CAMTA1: variants seen among roughly 807,000 people sequenced by gnomAD.
CAMTA1 encodes the protein calmodulin-binding transcription activator 1.
In CAMTA1, 27 loss-of-function variants were observed where a neutral mutation model predicts 170.9. That is an observed-to-expected ratio of 0.16 (90% confidence interval 0.12 to 0.22). CAMTA1 has a LOEUF of 0.22. CAMTA1 is among the 10% of genes least tolerant of loss of function. CAMTA1 has a pLI of 1.00. For synonymous variants in CAMTA1, 833 were observed against 891.5 expected, an observed-to-expected ratio of 0.93 and a Z score of 1.17; for missense variants, 1,619 against 2,217.2, an observed-to-expected ratio of 0.73 and a Z score of 5.42.
chr1:6,832,381 T>TA (rs1473224157), intron 3 of CAMTA1, among the ~76,000 whole-genome samples: 1 of 152,214 alleles, frequency 6.6e-6, no homozygotes, highest in Non-Finnish European at 1.5e-5. Context: ...CTGGTTACCT[T>TA]ACCTTTTAAA....
chr1:7,353,962 G>A (rs530102589), intron 5 of CAMTA1, among the ~76,000 whole-genome samples: 5 of 152,032 alleles, frequency 3.3e-5, no homozygotes, highest in East Asian at 1.9e-4. Flanking sequence ...CTTTGTGACC[G>A]TGTGTACTCA....
intron 6 of CAMTA1, among the ~76,000 whole-genome samples, chr1:7,477,235 A>G (rs2093435124): frequency 6.6e-6 from 1 of 152,164 alleles, no homozygotes. Context: ...CTGGACTAGT[A>G]AACGGCAAAG....
intron 1 of CAMTA1, among the ~76,000 whole-genome samples, chr1:6,797,546 T>C (rs1642831010): frequency 4.6e-5 from 7 of 151,584 alleles, no homozygotes; most frequent in Admixed American, 4.6e-4. Flanking sequence ...CCACCACGCC[T>C]AGCTAATTTT....
At chr1:6,802,141 G>A (rs1643924049) in intron 1 of CAMTA1, among the ~76,000 whole-genome samples, 1 of 152,190 alleles carries the variant, frequency 6.6e-6, no homozygotes, top group Non-Finnish European at 1.5e-5. Context: ...AAGTGCAGCT[G>A]GGCAGTGGGA....
At chr1:7,492,747 G>GCGCA (rs1557805032) in intron 6 of CAMTA1, among the ~76,000 whole-genome samples, 2 of 97,456 alleles carry the variant, frequency 2.1e-5, no homozygotes, top group East Asian at 2.9e-4. Context: ...ACACACGCGC[G>GCGCA]CACACACACA....
chr1:6,805,465 C>T (rs891598365), intron 1 of CAMTA1, among the ~76,000 whole-genome samples: 2 of 152,186 alleles, frequency 1.3e-5, no homozygotes, highest in African/African-American at 4.8e-5. Context: ...GTATGATTGA[C>T]ATGTGATATG....
At chr1:7,414,186 A>G (rs1350077274) in intron 5 of CAMTA1, among the ~76,000 whole-genome samples, 1 of 152,012 alleles carries the variant, frequency 6.6e-6, no homozygotes, top group African/African-American at 2.4e-5. Flanking sequence ...TTTTTGCATC[A>G]ATGTTCATCA....
At chr1:7,758,937 A>G (rs1301028552) in intron 22 of CAMTA1, among the ~76,000 whole-genome samples, 1 of 135,804 alleles carries the variant, frequency 7.4e-6, no homozygotes, top group Non-Finnish European at 1.6e-5. Context: ...TCTGTCTCAA[A>G]AAAAAAAAAA....
intron 4 of CAMTA1, among the ~76,000 whole-genome samples, chr1:7,204,503 T>C (rs1657311782): frequency 6.6e-6 from 1 of 152,194 alleles, no homozygotes; most frequent in African/African-American, 2.4e-5. Flanking sequence ...TCTAATTTCA[T>C]TGTCATTAGA....
chr1:7,508,737 G>A (rs1400466479), intron 6 of CAMTA1, among the ~76,000 whole-genome samples: 1 of 151,974 alleles, frequency 6.6e-6, no homozygotes, highest in Non-Finnish European at 1.5e-5. Flanking sequence ...AGGGAGGGAA[G>A]GGAGGGAGGG....
chr1:7,719,204 C>T (rs922316022), intron 11 of CAMTA1, among the ~76,000 whole-genome samples: 3 of 152,108 alleles, frequency 2.0e-5, no homozygotes, highest in Admixed American at 2.0e-4. Flanking sequence ...TTGGCTCCTG[C>T]GTGGTGGAGG....
Position 7,041,317 on chromosome 1 carries a change from G to A in CAMTA1, c.235-49987G>A, listed in dbSNP as rs1314019090. Among the ~76,000 whole-genome samples the A allele has an allele frequency of 1.3e-5, 2 of 152,238 alleles. No homozygotes were observed. Among genetic ancestry groups the A allele is most frequent in the Non-Finnish European group, 2.9e-5 (2 of 68,048 alleles). The stretch of plus-strand genomic sequence containing the variant: ...CAGTCAGACCTGCGAGGCCTGGGCT[G>A]TGGCTGCTGTGGCTTTGCCAGCATC... On this transcript the variant is annotated intron_variant, in intron 3 of 22. Coordinates refer to ENST00000303635, the MANE Select transcript of CAMTA1 (RefSeq NM_015215.4). The surrounding 1 kb of genome is among the most constrained non-coding windows in gnomAD (Gnocchi z 5.1).
chr1:7,680,469 C>T lies in CAMTA1; in HGVS notation c.2914+2736C>T, dbSNP rs931786228. Among the ~76,000 whole-genome samples, 1 of 152,012 alleles carries T rather than the reference C, an allele frequency of 6.6e-6. No individual in the cohort carries two copies. Among genetic ancestry groups the T allele is most frequent in the African/African-American group, 2.4e-5 (1 of 41,436 alleles). ...GCACACACTCTCTCCCACGCGCGCG[C>T]CCTCCCGCCGACGCGCAGCCGCAAT... On this transcript the variant is annotated intron_variant, in intron 11 of 22. Coordinates refer to ENST00000303635, the MANE Select transcript of CAMTA1 (RefSeq NM_015215.4). This position sits in a 1 kb window ranked among gnomAD's most constrained non-coding sequence, Gnocchi z 4.4.
chr1:7,258,451 G>A (rs929395055), intron 5 of CAMTA1, among the ~76,000 whole-genome samples: 25 of 152,106 alleles, frequency 1.6e-4, no homozygotes, highest in Non-Finnish European at 3.2e-4. Flanking sequence ...AGCATATTCA[G>A]TTACAATGTA....
At chr1:7,339,926 A>ATT (rs1346170715) in intron 5 of CAMTA1, among the ~76,000 whole-genome samples, 2 of 152,000 alleles carry the variant, frequency 1.3e-5, no homozygotes, top group Non-Finnish European at 2.9e-5. Context: ...AGGCATCTTG[A>ATT]TTTTCTATCT....
intron 3 of CAMTA1, among the ~76,000 whole-genome samples, chr1:6,976,998 C>T (rs1693554559): frequency 6.6e-6 from 1 of 152,194 alleles, no homozygotes; most frequent in Non-Finnish European, 1.5e-5. Context: ...TCTCCTTTGC[C>T]TTTCACCATG....
chr1:7,657,106 C>T (rs953146206), intron 7 of CAMTA1, among the ~76,000 whole-genome samples: 1 of 152,240 alleles, frequency 6.6e-6, no homozygotes, highest in Non-Finnish European at 1.5e-5. Flanking sequence ...GAGGAGCCAG[C>T]ATCCTGCTTC....
At chr1:7,090,627 G>T (rs1489075937) in intron 3 of CAMTA1, among the ~76,000 whole-genome samples, 1 of 152,150 alleles carries the variant, frequency 6.6e-6, no homozygotes, top group Non-Finnish European at 1.5e-5. Flanking sequence ...AATTCTATCT[G>T]CAGTGATGTT....
At chr1:6,883,261 A>G (rs1385295503) in intron 3 of CAMTA1, among the ~76,000 whole-genome samples, 1 of 152,214 alleles carries the variant, frequency 6.6e-6, no homozygotes, top group African/African-American at 2.4e-5. Flanking sequence ...AGCAAGAAAC[A>G]GACGGGTTTC....
Sources: gnomAD v4.1 joint callset for allele counts (sites outside exome capture counted in the v4.1 genomes callset) on GRCh38, gnomAD v4.1.1 for gene constraint, Gnocchi (gnomAD v3.1) non-coding constraint, MANE v1.5 for transcripts, NCBI Gene and HGNC (gene_info 2026-07-23, HGNC 2026-07-21) for gene names.